Variants in PRELID2 observed in about 807,000 individuals in gnomAD.
PRELID2 encodes the protein PRELI domain-containing protein 2.
PRELID2 carries 25 observed loss-of-function variants against 28.4 expected under a neutral mutation model. The ratio of observed to expected loss-of-function variants is 0.88; its 90% CI spans 0.64 to 1.23. PRELID2 has a LOEUF of 1.23. PRELID2 is among the 50% of genes most tolerant of loss of function. PRELID2 has a pLI of 0.00. For missense variants in PRELID2, 201 were observed against 214.4 expected (o/e 0.94, Z 0.39); for synonymous variants, 76 against 71.6 (o/e 1.06, Z -0.31).
the PRELID2 span, among the ~76,000 whole-genome samples, chr5:145,421,097 G>T: frequency 0.016 from 2,455 of 148,914 alleles, 84 homozygotes; most frequent in African/African-American, 0.059. Context: ...TTGATCATGG[G>T]GGATAAGCTT....
At chr5:145,409,865 C>A in the PRELID2 span, among the ~76,000 whole-genome samples, 3 of 151,850 alleles carry the variant, frequency 2.0e-5, no homozygotes, top group Non-Finnish European at 2.9e-5. Context: ...CAAGACTAAG[C>A]AAAAAGAACA....
At chr5:145,485,469 G>T (rs1752208546) in intron 1 of PRELID2, among the ~76,000 whole-genome samples, 1 of 152,200 alleles carries the variant, frequency 6.6e-6, no homozygotes, top group Non-Finnish European at 1.5e-5. Flanking sequence ...AGCACATTCA[G>T]AATGAGTGCA....
chr5:145,429,185 G>C, the PRELID2 span, among the ~76,000 whole-genome samples: 3 of 152,196 alleles, frequency 2.0e-5, no homozygotes, highest in African/African-American at 7.2e-5. Context: ...GAAACCTATT[G>C]CAATAATGAA....
intron 1 of PRELID2, among the ~76,000 whole-genome samples, chr5:145,618,916 G>T (rs948801145): frequency 3.3e-5 from 5 of 152,082 alleles, no homozygotes; most frequent in African/African-American, 1.2e-4. Context: ...TACCTAGGAG[G>T]ATTACGGCCA....
chr5:145,425,827 T>C, the PRELID2 span, among the ~76,000 whole-genome samples: 5 of 151,908 alleles, frequency 3.3e-5, no homozygotes, highest in Non-Finnish European at 7.4e-5. Context: ...CCTGCACATA[T>C]ATGCCTGAAC....
intron 1 of PRELID2, among the ~76,000 whole-genome samples, chr5:145,523,629 G>A (rs1427659431): frequency 6.6e-6 from 1 of 151,992 alleles, no homozygotes; most frequent in African/African-American, 2.4e-5. Flanking sequence ...GTTGGGGAGG[G>A]GAAGGAAAGC....
rs141083816 is a variant in PRELID2, at chr5:145,640,693, A to C, written n.70+124238T>G. ...AAAAAAGAAAAGAAAATTCACTTGG[A>C]AAAGGCAAGGCCAAGTGTCTTCAAG... On this transcript the variant is annotated intron_variant and non_coding_transcript_variant, in intron 1 of 2. Coordinates refer to the PRELID2 transcript ENST00000510259. Among the ~76,000 whole-genome samples the C allele has an allele frequency of 1.3e-3, 193 of 152,192 alleles. 1 individual carries two copies. The highest frequency in any genetic ancestry group is 4.5e-3 in the African/African-American group (189 of 41,540).
the PRELID2 span, among the ~76,000 whole-genome samples, chr5:145,372,764 G>A: frequency 6.7e-6 from 1 of 149,802 alleles, no homozygotes; most frequent in Non-Finnish European, 1.5e-5. Flanking sequence ...TGAGTCTCCT[G>A]AATATGGCAT....
At chr5:145,741,652 ATAAT>A (rs1206191170) in intron 1 of PRELID2, among the ~76,000 whole-genome samples, 1 of 21,202 alleles carries the variant, frequency 4.7e-5, no homozygotes, top group Non-Finnish European at 1.1e-4. Flanking sequence ...TTATATATAA[ATAAT>A]TTATTTATAT....
the PRELID2 span, among the ~76,000 whole-genome samples, chr5:145,291,544 A>C: frequency 6.6e-6 from 1 of 152,058 alleles, no homozygotes; most frequent in East Asian, 1.9e-4. Context: ...GCCTCCAAAA[A>C]TATGAGATAA....
At chr5:145,246,772 C>T in the PRELID2 span, among the ~76,000 whole-genome samples, 3 of 151,024 alleles carry the variant, frequency 2.0e-5, no homozygotes, top group African/African-American at 5.0e-5. Flanking sequence ...TGAAACCTAA[C>T]CAACTCCATC....
At chr5:145,553,804 T>C (rs1752858047) in intron 1 of PRELID2, among the ~76,000 whole-genome samples, 1 of 152,230 alleles carries the variant, frequency 6.6e-6, no homozygotes, top group Non-Finnish European at 1.5e-5. Flanking sequence ...ACAGGGTGAC[T>C]CTTGAAATTG....
the PRELID2 span, among the ~76,000 whole-genome samples, chr5:145,372,408 T>C: frequency 6.6e-6 from 1 of 151,666 alleles, no homozygotes; most frequent in Non-Finnish European, 1.5e-5. Flanking sequence ...GCACTAAGAA[T>C]ATCCTTGTTA....
At chr5:145,402,327 T>C in the PRELID2 span, among the ~76,000 whole-genome samples, 1 of 152,164 alleles carries the variant, frequency 6.6e-6, no homozygotes, top group Non-Finnish European at 1.5e-5. Flanking sequence ...ACTCAGCACA[T>C]TTTATCTTAA....
chr5:145,522,913 T>G lies in PRELID2; in HGVS notation n.71-49598A>C, dbSNP rs567299665. On this transcript the variant is annotated intron_variant and non_coding_transcript_variant, in intron 1 of 2. Transcript: ENST00000510259. ...AAAGAAGGAAGGAAGGAAATTAATATAGACTAGGTAATCACTTATAAGTAA... is the reference window on the plus strand; with the variant it reads ...AAAGAAGGAAGGAAGGAAATTAATAGAGACTAGGTAATCACTTATAAGTAA... Among the ~76,000 whole-genome samples, 81 of 151,316 alleles carry G rather than the reference T, an allele frequency of 5.4e-4. No homozygotes were observed. The South Asian group carries it at 6.4e-3, about 12-fold the overall frequency.
intron 5 of PRELID2, among the ~76,000 whole-genome samples, chr5:145,767,503 A>C (rs1189366345): frequency 6.6e-6 from 1 of 152,110 alleles, no homozygotes; most frequent in East Asian, 1.9e-4. Flanking sequence ...CTTAACACTT[A>C]AGCCATCTAT....
chr5:145,380,483 C>T, the PRELID2 span, among the ~76,000 whole-genome samples: 1 of 152,204 alleles, frequency 6.6e-6, no homozygotes, highest in South Asian at 2.1e-4. Flanking sequence ...CCCCATGTGG[C>T]ATGATTAACT....
At chr5:145,343,930 T>C in the PRELID2 span, among the ~76,000 whole-genome samples, 1 of 151,962 alleles carries the variant, frequency 6.6e-6, no homozygotes, top group African/African-American at 2.4e-5. Flanking sequence ...GATAAATTCC[T>C]GGAAACATAC....
chr5:145,418,049 T>C, the PRELID2 span, among the ~76,000 whole-genome samples: 1 of 152,156 alleles, frequency 6.6e-6, no homozygotes, highest in African/African-American at 2.4e-5. Flanking sequence ...CAGCAAAGTC[T>C]CAGGACATAA....
Sources: gnomAD v4.1 joint callset for allele counts (sites outside exome capture counted in the v4.1 genomes callset) on GRCh38, gnomAD v4.1.1 for gene constraint, MANE v1.5 for transcripts, NCBI Gene and HGNC (gene_info 2026-07-23, HGNC 2026-07-21) for gene names.